ALDH1A2: variants seen among roughly 807,000 people sequenced by gnomAD.
ALDH1A2 encodes aldehyde dehydrogenase 1 family member A2.
ALDH1A2 carries 27 observed loss-of-function variants against 60.3 expected under a neutral mutation model. The observed-to-expected ratio is 0.45, with a 90% CI of 0.33 to 0.62. The LOEUF (loss-of-function observed/expected upper bound fraction) is 0.62, where lower values mean the gene tolerates loss of function less well. ALDH1A2 is among the 20% of genes least tolerant of loss of function. The pLI is 0.02. For synonymous variants in ALDH1A2, 289 were observed against 232.4 expected, an observed-to-expected ratio of 1.24 and a Z score of -2.21; for missense variants, 581 against 643.8, an observed-to-expected ratio of 0.90 and a Z score of 1.06.
intron 3 of ALDH1A2, chr15:58,012,270 T>C (rs959649204): frequency 6.6e-6 from 1 of 152,214 alleles, no homozygotes; most frequent in Admixed American, 6.5e-5. Flanking sequence ...ATAGATATCA[T>C]ATATCTTTAG....
At chr15:58,034,776 T>C (rs1439504531) in intron 1 of ALDH1A2, among the ~76,000 whole-genome samples, 1 of 151,700 alleles carries the variant, frequency 6.6e-6, no homozygotes, top group Non-Finnish European at 1.5e-5. Context: ...ACTACATTAA[T>C]TGAATTTTGA....
At chr15:57,993,719 G>A (rs888034788) in intron 5 of ALDH1A2, among the ~76,000 whole-genome samples, 3 of 152,176 alleles carry the variant, frequency 2.0e-5, no homozygotes, top group African/African-American at 7.2e-5. Flanking sequence ...GGTTTAAACT[G>A]ATTTTAAAAA....
intron 1 of ALDH1A2, among the ~76,000 whole-genome samples, chr15:58,037,239 A>C (rs1896398605): frequency 1.3e-5 from 2 of 151,736 alleles, no homozygotes; most frequent in South Asian, 4.1e-4. Flanking sequence ...AGAGTCATAG[A>C]AAGAAGACCT....
intron 1 of ALDH1A2, among the ~76,000 whole-genome samples, chr15:58,048,738 C>G (rs1896698746): frequency 6.6e-6 from 1 of 151,946 alleles, no homozygotes; most frequent in Non-Finnish European, 1.5e-5. Context: ...TCCCAGTCTC[C>G]CTTAATCAAA....
At chr15:58,001,034 T>TAAAAAAAA (rs10641902) in intron 4 of ALDH1A2, among the ~76,000 whole-genome samples, 7 of 126,202 alleles carry the variant, frequency 5.5e-5, no homozygotes, top group South Asian at 2.6e-4. Flanking sequence ...TCAAAATTGT[T>TAAAAAAAA]AAAAAAAAAA....
intron 1 of ALDH1A2, among the ~76,000 whole-genome samples, chr15:58,063,537 T>C (rs1244095013): frequency 6.6e-6 from 1 of 152,164 alleles, no homozygotes; most frequent in Non-Finnish European, 1.5e-5. Flanking sequence ...AAAGAGCAGC[T>C]TCTGCTCTTC....
At chr15:58,032,789 A>AACACACACACACAC (rs59226967) in intron 1 of ALDH1A2, among the ~76,000 whole-genome samples, 3 of 149,202 alleles carry the variant, frequency 2.0e-5, no homozygotes, top group Non-Finnish European at 4.5e-5. Flanking sequence ...AGTGCCCCTC[A>AACACACACACACAC]ACACACACAC....
At chr15:58,024,414 C>A (rs1449955389) in intron 1 of ALDH1A2, among the ~76,000 whole-genome samples, 4 of 151,836 alleles carry the variant, frequency 2.6e-5, no homozygotes, top group African/African-American at 9.7e-5. Flanking sequence ...ACATGGAAAC[C>A]AAATGTGAGC....
chr15:58,014,160 A>G lies in ALDH1A2; in HGVS notation c.222+17T>C. On this transcript the variant is annotated intron_variant, in intron 2 of 12. Transcript: ENST00000249750. ...GCAGTTATTTCATAGGAAATCTTTT[A>G]TCTACAAAAGACATACCTTGTCTGC... 6.2e-7 allele frequency: 1 copy of G among 1,614,068 alleles called. No individual in the cohort carries two copies. The highest frequency in any genetic ancestry group is 8.5e-7 in the Non-Finnish European group (1 of 1,179,894).
intron 4 of ALDH1A2, among the ~76,000 whole-genome samples, chr15:58,007,249 A>T (rs12903093): frequency 6.6e-6 from 1 of 151,836 alleles, no homozygotes; most frequent in Non-Finnish European, 1.5e-5. Context: ...CAATAGTTCC[A>T]TATTTGCTAA....
chr15:58,006,107 ATTT>A (rs1895446524), intron 4 of ALDH1A2, among the ~76,000 whole-genome samples: 1 of 151,588 alleles, frequency 6.6e-6, no homozygotes, highest in Non-Finnish European at 1.5e-5. Flanking sequence ...GGTTTCCAAG[ATTT>A]TGGTGCATCT....
chr15:58,061,611 A>C lies in ALDH1A2; in HGVS notation c.117+3923T>G, dbSNP rs1333296763. ...TCCTTCCCTCAAAAAAAAAAAAAAC[A>C]AAAAAAAAAAAAAAACGGAACAAAA... On this transcript the variant is annotated intron_variant, in intron 1 of 12. Transcript: ENST00000249750. Among the ~76,000 whole-genome samples, 1,098 of 114,828 alleles carry C rather than the reference A, an allele frequency of 9.6e-3. 7 individuals are homozygous for C. Among genetic ancestry groups the C allele is most frequent in the African/African-American group, 0.025 (696 of 28,328 alleles). The allele number at this position is 114,828 out of a possible 152,430, so 75.3% of individuals were successfully genotyped here.
At chr15:58,054,074 G>A (rs1439728771) in intron 1 of ALDH1A2, among the ~76,000 whole-genome samples, 1 of 152,078 alleles carries the variant, frequency 6.6e-6, no homozygotes, top group Admixed American at 6.6e-5. Context: ...GTCTCCCAAA[G>A]GACCATTTAG....
At chr15:57,993,624 T>G (rs1263542901) in intron 5 of ALDH1A2, among the ~76,000 whole-genome samples, 1 of 152,204 alleles carries the variant, frequency 6.6e-6, no homozygotes, top group African/African-American at 2.4e-5. Flanking sequence ...TGCAAAAATT[T>G]TCATTTGTCT....
intron 1 of ALDH1A2, among the ~76,000 whole-genome samples, chr15:58,056,962 A>C (rs1245436761): frequency 6.6e-6 from 1 of 152,110 alleles, no homozygotes. Context: ...ACATACTGGG[A>C]ATATACTGGT....
rs532750377 is a variant in ALDH1A2, at chr15:57,983,352, T to TCA, written c.798+9351_798+9352dup. Among the ~76,000 whole-genome samples, 8 of 152,322 alleles carry TCA rather than the reference T, an allele frequency of 5.3e-5. 1 individual carries two copies. The South Asian group carries it at 1.7e-3, about 32-fold the overall frequency. The stretch of plus-strand genomic sequence containing the variant: ...AGTCCCTGAGGACTCACGAGGGTCC[T>TCA]CACAGCTAGCATTCCTTTCCTCGAA... On this transcript the variant is annotated intron_variant, in intron 7 of 12. Transcript: ENST00000249750.
chr15:57,989,045 G>GT (rs1894806950), intron 7 of ALDH1A2, among the ~76,000 whole-genome samples: 1 of 152,164 alleles, frequency 6.6e-6, no homozygotes, highest in Non-Finnish European at 1.5e-5. Context: ...GTGCGTGCCT[G>GT]TAGTCCCAGC....
intron 1 of ALDH1A2, among the ~76,000 whole-genome samples, chr15:58,015,573 A>T (rs1486403271): frequency 1.3e-5 from 2 of 152,250 alleles, no homozygotes; most frequent in African/African-American, 2.4e-5. Flanking sequence ...ATAAATACTC[A>T]GATAACTTCT....
Position 57,955,182 on chromosome 15 carries a change from TCCTTCTTGG to T in ALDH1A2, c.*6_*14del, listed in dbSNP as rs1566925828. 1 of 1,613,674 alleles carries T rather than the reference TCCTTCTTGG, an allele frequency of 6.2e-7. No homozygotes were observed. The highest frequency in any genetic ancestry group is 8.5e-7 in the Non-Finnish European group (1 of 1,179,592). ...CAGACGTGCAGGCTGGGCTTCATCC[TCCTTCTTGG>T]CCTTCTTAGGAGTTCTTCTGGGGGA... On this transcript the variant is annotated 3_prime_UTR_variant, in exon 13 of 13. Coordinates refer to ENST00000249750, the MANE Select transcript of ALDH1A2 (RefSeq NM_003888.4).
Sources: gnomAD v4.1 joint callset for allele counts (sites outside exome capture counted in the v4.1 genomes callset) on GRCh38, gnomAD v4.1.1 for gene constraint, MANE v1.5 for transcripts, NCBI Gene and HGNC (gene_info 2026-07-23, HGNC 2026-07-21) for gene names.